The following CES3 variants were observed in gnomAD, a reference collection of about 807,000 sequenced individuals.
The protein encoded by CES3 is carboxylesterase 3 (brain).
Under a neutral mutation model 57.6 loss-of-function variants are expected in CES3, and 49 were observed. The observed-to-expected ratio is 0.85, with a 90% CI of 0.68 to 1.08. The LOEUF (loss-of-function observed/expected upper bound fraction) is 1.08, where lower values mean the gene tolerates loss of function less well. Among genes scored for constraint, CES3 ranks in the 50% least tolerant of loss-of-function variants. The pLI, the probability that CES3 is intolerant of heterozygous loss-of-function variation, is 0.00. For missense variants in CES3, 645 were observed against 742.0 expected, an observed-to-expected ratio of 0.87 and a Z score of 1.52; for synonymous variants, 266 against 281.6, an observed-to-expected ratio of 0.94 and a Z score of 0.55.
At chr16:66,964,210 C>A in intron 4 of CES3, 147 bp from the exon 5 acceptor site, 1 of 1,127,838 alleles carries the variant, frequency 8.9e-7, no homozygotes, top group Non-Finnish European at 1.2e-6. Flanking sequence ...GAGCAACAGG[C>A]TGTGGAGATG....
chr16:66,961,387 C>T lies in CES3; in HGVS notation c.80C>T (p.Thr27Ile). ...CLLLACPATA[T>I]GPEVAQPEVD... ...CTCCTGGCATGCCCTGCCACAGCCA[C>T]TGGTAAGACACACCTGCTGGGCCTG... Residue 27 changes from threonine to isoleucine, a missense_variant and splice_region_variant, in exon 1 of 13, where the codon ACT becomes ATT. Physicochemically the swap from Thr to Ile is moderately conservative, Grantham distance 89. Transcript: ENST00000303334. 6.2e-7 allele frequency: 1 copy of T among 1,611,982 alleles called. No individual in the cohort carries two copies. The highest frequency in any genetic ancestry group is 8.5e-7 in the Non-Finnish European group (1 of 1,178,998).
In CES3 at chr16:66,973,177, CTG is replaced by C. The variant is rs1963873941; in HGVS notation, c.*131_*132del. The C allele has an allele frequency of 2.5e-6, 2 of 787,892 alleles. No homozygotes were observed. The highest frequency in any genetic ancestry group is 4.0e-6 in the Non-Finnish European group (2 of 495,212). 48.8% of individuals were successfully genotyped at this position (787,892 alleles called of 1,614,324 possible). On this transcript the variant is annotated 3_prime_UTR_variant, in exon 13 of 13. Coordinates refer to ENST00000303334, the MANE Select transcript of CES3 (RefSeq NM_024922.6). ...ACCAGCCCTTAAAGTGTCGGCCGCT[CTG>C]TGACTGGAGTTATGCTCTTTTGAAA...
Position 66,963,388 on chromosome 16 carries a change from G to C in CES3, c.287+5G>C. The C allele has an allele frequency of 6.2e-7, 1 of 1,613,044 alleles. No homozygotes were observed. The highest frequency in any genetic ancestry group is 1.1e-5 in the South Asian group (1 of 91,080). On this transcript the variant is annotated splice_donor_5th_base_variant and intron_variant, in intron 2 of 12. Coordinates refer to ENST00000303334, the MANE Select transcript of CES3 (RefSeq NM_024922.6). This position sits in a 1 kb window ranked among gnomAD's most constrained non-coding sequence, Gnocchi z 4.9. ...TGCCAGCACTGCGCCCCCAATGTGA[G>C]TAGTGCTGGTGGAGGCGGGCAAACA... is the stretch of plus-strand genomic sequence containing the variant.
In CES3 at chr16:66,972,943, A is replaced by G; in HGVS notation, c.1610A>G (p.Gln537Arg). 1 of 1,614,146 alleles carries G rather than the reference A, an allele frequency of 6.2e-7. No individual in the cohort carries two copies. The highest frequency in any genetic ancestry group is 8.5e-7 in the Non-Finnish European group (1 of 1,180,036). The change falls in exon 13 of 13, where the codon CAG (glutamine) becomes CGG (arginine). Residue 537 changes from glutamine to arginine, a missense_variant. Transcript: ENST00000303334. ...ATCAACCCAGTGCCACGGGCCGGAC[A>G]GAAGTTCAGGGAGGCCTGGATGCAG... ...LEINPVPRAGQKFREAWMQFW... is the reference protein window; with the variant it reads ...LEINPVPRAGRKFREAWMQFW...
Position 66,963,768 on chromosome 16 carries a change from C to G in CES3, c.427-34C>G, listed in dbSNP as rs1273632068. The G allele has an allele frequency of 6.2e-7, 1 of 1,609,294 alleles. No individual in the cohort carries two copies. The highest frequency in any genetic ancestry group is 1.1e-5 in the South Asian group (1 of 91,018). ...AGGTGGGCAGCTAAGGTCTCAGGAG[C>G]TTGGGGGTCAGTGCCCCATGGCCAC... is the stretch of plus-strand genomic sequence containing the variant. On this transcript the variant is annotated intron_variant, in intron 3 of 12. Transcript: ENST00000303334. The surrounding 1 kb of genome is among the most constrained non-coding windows in gnomAD (Gnocchi z 4.9).
chr16:66,966,856 C>A lies in CES3; in HGVS notation c.1053C>A (p.Leu351=), dbSNP rs768897738. 1.2e-6 allele frequency: 2 copies of A among 1,614,052 alleles called. No homozygotes were observed. The highest frequency in any genetic ancestry group is 3.3e-5 in the Admixed American group (2 of 60,016). ...TCAACAACCATGAGTTCAGCTGGCT[C>A]ATCCCCAGGGTGAGTTGCTCCCACC... is the stretch of plus-strand genomic sequence containing the variant. ...MGVNNHEFSW[L]IPRGWGLLDT... is the part of the protein sequence containing the mutation. Residue 351 remains leucine (L), a synonymous_variant, in exon 8 of 13, where the codon CTC becomes CTA. Coordinates refer to ENST00000303334, the MANE Select transcript of CES3 (RefSeq NM_024922.6).
chr16:66,972,276 T>C, intron 10 of CES3, 80 bp from the exon 11 acceptor site: 1 of 1,349,308 alleles, frequency 7.4e-7, no homozygotes, highest in Non-Finnish European at 1.0e-6. Flanking sequence ...GAAATTGGTG[T>C]TATTATGAGC....
Position 66,972,895 on chromosome 16 carries a change from A to G in CES3, c.1562A>G (p.Asn521Ser), listed in dbSNP as rs750467251. 8.1e-6 allele frequency: 13 copies of G among 1,613,992 alleles called. No individual in the cohort carries two copies. Among genetic ancestry groups the G allele is most frequent in the Non-Finnish European group, 1.1e-5 (13 of 1,180,018 alleles). ...SKALPPWPQF[N>S]QAEQYLEINP... Reference sequence around the variant, plus strand: ...GCTCTGCCTCCTTGGCCCCAATTCAACCAGGCGGAACAATATCTGGAGATC... The same window carrying G: ...GCTCTGCCTCCTTGGCCCCAATTCAGCCAGGCGGAACAATATCTGGAGATC... Residue 521 changes from asparagine to serine, a missense_variant, in exon 13 of 13, where the codon AAC becomes AGC. Coordinates refer to ENST00000303334, the MANE Select transcript of CES3 (RefSeq NM_024922.6).
Position 66,971,229 on chromosome 16 carries a change from G to T in CES3, c.1201G>T (p.Asp401Tyr). The T allele has an allele frequency of 6.2e-7, 1 of 1,614,138 alleles. No homozygotes were observed. Among genetic ancestry groups the T allele is most frequent in the Non-Finnish European group, 8.5e-7 (1 of 1,179,992 alleles). ...VIDEYLGSNS[D>Y]AQAKCQAFQE... is the part of the protein sequence containing the mutation. The stretch of plus-strand genomic sequence containing the variant: ...AGATGAATACCTAGGAAGCAACTCG[G>T]ACGCACAAGCCAAATGCCAGGCGTT... The change falls in exon 10 of 13, where the codon GAC (aspartate) becomes TAC (tyrosine). Residue 401 changes from aspartate to tyrosine, a missense_variant. Coordinates refer to ENST00000303334, the MANE Select transcript of CES3 (RefSeq NM_024922.6).
rs767488457 is a variant in CES3, at chr16:66,966,267, C to T, written c.843C>T (p.Cys281=). The change falls in exon 7 of 13, where the codon TGC becomes TGT. Residue 281 remains cysteine, a synonymous_variant. Coordinates refer to ENST00000303334, the MANE Select transcript of CES3 (RefSeq NM_024922.6). Reference sequence around the variant, plus strand: ...AGAAAATCGCAAACACCTTGGCCTGCAGCTCCAGCTCCCCGGCTGAGATGG... The same window carrying T: ...AGAAAATCGCAAACACCTTGGCCTGTAGCTCCAGCTCCCCGGCTGAGATGG... ...LAQKIANTLA[C]SSSSPAEMVQ... 6.2e-7 allele frequency: 1 copy of T among 1,613,556 alleles called. No homozygotes were observed. Among genetic ancestry groups the T allele is most frequent in the Non-Finnish European group, 8.5e-7 (1 of 1,179,990 alleles).
intron 8 of CES3, among the ~76,000 whole-genome samples, chr16:66,968,419 T>G (rs1812684213): frequency 6.6e-6 from 1 of 152,038 alleles, no homozygotes. Context: ...CCACCAGCCT[T>G]GGCCTCCCAA....
Position 66,961,329 on chromosome 16 carries a change from G to A in CES3, c.22G>A (p.Glu8Lys). 6.2e-7 allele frequency: 1 copy of A among 1,613,932 alleles called. No individual in the cohort carries two copies. Among genetic ancestry groups the A allele is most frequent in the African/African-American group, 1.3e-5 (1 of 75,040 alleles). ...GAGAATGGAGAGAGCAGTGAGAGTGGAGTCCGGGGTCCTGGTCGGGGTGGT... is the reference window on the plus strand; with the variant it reads ...GAGAATGGAGAGAGCAGTGAGAGTGAAGTCCGGGGTCCTGGTCGGGGTGGT... MERAVRV[E>K]SGVLVGVVCL... Residue 8 changes from glutamate (E) to lysine (K), a missense_variant, in exon 1 of 13, where the codon GAG (glutamate) becomes AAG (lysine). Glu to Lys is a moderately conservative substitution (Grantham distance 56, BLOSUM62 1). Coordinates refer to ENST00000303334, the MANE Select transcript of CES3 (RefSeq NM_024922.6).
chr16:66,975,098 G>A lies in CES3; in HGVS notation c.*2049G>A, dbSNP rs944225022. On this transcript the variant is annotated 3_prime_UTR_variant, in exon 13 of 13. Transcript: ENST00000303334. ...CAACCCCCCTCGGGTCCCCTCCCAC[G>A]CCGTGGAAGCTTTGTTCTTTCGCTC... 4 of 152,204 alleles carry A rather than the reference G, an allele frequency of 2.6e-5. No homozygotes were observed. Among genetic ancestry groups the A allele is most frequent in the African/African-American group, 9.7e-5 (4 of 41,404 alleles). The allele number at this position is 152,204 out of a possible 1,614,324, so 9.4% of individuals were successfully genotyped here. A position where few individuals can be genotyped will look rare whatever the true frequency, so the allele number is the denominator to read the frequency against.
At position 66,966,251 on chromosome 16, in the gene CES3, C is replaced by G; in HGVS notation, c.827C>G (p.Ala276Gly). 2 of 1,613,184 alleles carry G rather than the reference C, an allele frequency of 1.2e-6. No individual in the cohort carries two copies. Among genetic ancestry groups the G allele is most frequent in the Non-Finnish European group, 1.7e-6 (2 of 1,179,958 alleles). The change falls in exon 7 of 13, where the codon GCA becomes GGA. Residue 276 changes from alanine to glycine, a missense_variant. Physicochemically the swap from Ala to Gly is moderately conservative, Grantham distance 60 (BLOSUM62 0). Transcript: ENST00000303334. The stretch of plus-strand genomic sequence containing the variant: ...TCTTTCATTTGTCCCCAGAAAATCG[C>G]AAACACCTTGGCCTGCAGCTCCAGC... The part of the protein sequence containing the change: ...SHPWPLAQKI[A>G]NTLACSSSSP...
chr16:66,972,870 G>T lies in CES3; in HGVS notation c.1537G>T (p.Ala513Ser). ...FARTGDPNSK[A>S]LPPWPQFNQA... ...CCCACCCAGGGACCCCAATAGCAAG[G>T]CTCTGCCTCCTTGGCCCCAATTCAA... is the stretch of plus-strand genomic sequence containing the variant. The change falls in exon 13 of 13, where the codon GCT becomes TCT. Residue 513 changes from alanine (A) to serine (S), a missense_variant. By Grantham distance (99) the Ala-to-Ser change is moderately conservative. Coordinates refer to ENST00000303334, the MANE Select transcript of CES3 (RefSeq NM_024922.6). The T allele has an allele frequency of 6.2e-7, 1 of 1,614,124 alleles. No individual in the cohort carries two copies. Among genetic ancestry groups the T allele is most frequent in the Non-Finnish European group, 8.5e-7 (1 of 1,180,008 alleles).
Position 66,963,980 on chromosome 16 carries a change from G to A in CES3, c.560+45G>A. The A allele has an allele frequency of 6.3e-7, 1 of 1,594,546 alleles. No individual in the cohort carries two copies. On this transcript the variant is annotated intron_variant, in intron 4 of 12. Transcript: ENST00000303334. This position sits in a 1 kb window ranked among gnomAD's most constrained non-coding sequence, Gnocchi z 4.9. ...CAGAGCACTGCCTGCACCGGGGAGA[G>A]GCCAGCTCACCAGAGCAACTGGGGA...
chr16:66,969,597 G>T, intron 8 of CES3, 82 bp from the exon 9 acceptor site: 3 of 1,382,070 alleles, frequency 2.2e-6, no homozygotes, highest in Non-Finnish European at 3.0e-6. Flanking sequence ...CCTCAGGACC[G>T]TGAACACTCT....
At chr16:66,969,855 C>A in intron 9 of CES3, 96 bp downstream of exon 9, 1 of 1,076,918 alleles carries the variant, frequency 9.3e-7, no homozygotes, top group Non-Finnish European at 1.4e-6. Flanking sequence ...TACCTTCCGA[C>A]ACCCACAGCT....
chr16:66,964,056 T>G, intron 4 of CES3, 121 bp downstream of exon 4: 1 of 1,441,548 alleles, frequency 6.9e-7, no homozygotes, highest in Non-Finnish European at 9.4e-7. Flanking sequence ...CCATGATGTC[T>G]GAGGCAGAGA....
Sources: allele counts gnomAD v4.1 joint callset (sites outside exome capture counted in the v4.1 genomes callset), GRCh38; gene constraint gnomAD v4.1.1; non-coding constraint Gnocchi (gnomAD v3.1); transcripts MANE v1.5; gene names NCBI Gene and HGNC (gene_info 2026-07-23, HGNC 2026-07-21).